The following HAND1 variants were observed in gnomAD, a reference collection of about 807,000 sequenced individuals.
HAND1 encodes heart- and neural crest derivatives-expressed protein 1.
Under a neutral mutation model 14.5 loss-of-function variants are expected in HAND1, and 10 were observed. That is an observed-to-expected ratio of 0.69 (90% CI 0.42 to 1.17). The LOEUF (loss-of-function observed/expected upper bound fraction) is 1.17. HAND1 is among the 50% of genes most tolerant of loss of function. The pLI is 0.00. For synonymous variants in HAND1, 128 were observed against 127.1 expected, an observed-to-expected ratio of 1.01 and a Z score of -0.05; for missense variants, 299 against 298.4, an observed-to-expected ratio of 1.00 and a Z score of -0.01.
chr5:154,475,867 T>C lies in HAND1; in HGVS notation c.587A>G (p.Lys196Arg), dbSNP rs878854747. The C allele has an allele frequency of 1.2e-6, 2 of 1,614,084 alleles. No individual in the cohort carries two copies. The highest frequency in any genetic ancestry group is 3.3e-5 in the Admixed American group (2 of 60,036). Reference protein sequence around the residue: ...GFPPALGPVEKRIKGRTGWPQ... With the variant: ...GFPPALGPVERRIKGRTGWPQ... Reference sequence around the variant, plus strand: ...CCAGCCGGTGCGTCCTTTAATCCTCTTCTCGACTGGGCCCAGGGCAGGAGG... The same window carrying C: ...CCAGCCGGTGCGTCCTTTAATCCTCCTCTCGACTGGGCCCAGGGCAGGAGG... Residue 196 changes from lysine (K) to arginine (R), a missense_variant, in exon 2 of 2, where the codon AAG becomes AGG. By Grantham distance (26) the Lys-to-Arg change is conservative. Coordinates refer to ENST00000231121, the MANE Select transcript of HAND1 (RefSeq NM_004821.3).
Position 154,478,113 on chromosome 5 carries a change from C to T in HAND1, c.-105G>A. On this transcript the variant is annotated 5_prime_UTR_variant, in exon 1 of 2. Transcript: ENST00000231121. The surrounding 1 kb of genome is among the most constrained non-coding windows in gnomAD (Gnocchi z 4.5). Reference sequence around the variant, plus strand: ...TGGGCTCTGGAGCCACTACTGGGCGCCGGCTTTGGGAGAGTCCGGGCAAGG... The same window carrying T: ...TGGGCTCTGGAGCCACTACTGGGCGTCGGCTTTGGGAGAGTCCGGGCAAGG... 1 of 1,349,988 alleles carries T rather than the reference C, an allele frequency of 7.4e-7. No homozygotes were observed. The highest frequency in any genetic ancestry group is 1.0e-6 in the Non-Finnish European group (1 of 964,472). The allele number at this position is 1,349,988 out of a possible 1,614,324, so 83.6% of individuals were successfully genotyped here. A position where few individuals can be genotyped will look rare whatever the true frequency, so the allele number is the denominator to read the frequency against.
intron 1 of HAND1, among the ~76,000 whole-genome samples, chr5:154,476,628 C>A (rs1045117397): frequency 6.6e-6 from 1 of 152,146 alleles, no homozygotes; most frequent in Non-Finnish European, 1.5e-5. Context: ...CACAGGCCCC[C>A]GCAGGTTGGA....
rs201748550 is a variant in HAND1, at chr5:154,478,055, C to T, written c.-47G>A. ...CGCCGCCAGCCCTATTAACGCCGCT[C>T]CATGCGCCCCAGAGACTGCCGGGGG... On this transcript the variant is annotated 5_prime_UTR_variant, in exon 1 of 2. Transcript: ENST00000231121. The surrounding 1 kb of genome is among the most constrained non-coding windows in gnomAD (Gnocchi z 4.5). 5.7e-5 allele frequency: 91 copies of T among 1,594,450 alleles called. No individual in the cohort carries two copies. The East Asian group carries it at 2.0e-3, about 34-fold the overall frequency.
intron 1 of HAND1, 100 bp from the exon 2 acceptor site, chr5:154,476,010 T>C: frequency 1.2e-6 from 1 of 854,840 alleles, no homozygotes; most frequent in East Asian, 2.6e-5. Flanking sequence ...GAGGGGAAGG[T>C]GTCGGGAGCA....
rs928995957 is a variant in HAND1 at position 154,475,558 on chromosome 5, G to C, written c.*248C>G. ...CATGTTGCCGCCAAGGGCCGCCCTC[G>C]GTTGGGCTGGGGGTGGATATATATA... On this transcript the variant is annotated 3_prime_UTR_variant, in exon 2 of 2. Transcript: ENST00000231121. 1.9e-6 allele frequency: 1 copy of C among 522,402 alleles called. No homozygotes were observed. The highest frequency in any genetic ancestry group is 3.5e-6 in the Non-Finnish European group (1 of 288,674). 32.4% of individuals were successfully genotyped at this position (522,402 alleles called of 1,614,324 possible).
chr5:154,477,639 C>A lies in HAND1; in HGVS notation c.370G>T (p.Val124Leu), dbSNP rs745686103. ...FAELRECIPN[V>L]PADTKLSKIK... Reference sequence around the variant, plus strand: ...TTGGAGAGCTTGGTGTCGGCCGGCACGTTGGGGATGCACTCGCGCAACTCC... The same window carrying A: ...TTGGAGAGCTTGGTGTCGGCCGGCAAGTTGGGGATGCACTCGCGCAACTCC... Residue 124 changes from valine to leucine, a missense_variant, in exon 1 of 2, where the codon GTG (valine) becomes TTG (leucine). Coordinates refer to ENST00000231121, the MANE Select transcript of HAND1 (RefSeq NM_004821.3). The A allele has an allele frequency of 5.6e-6, 9 of 1,614,124 alleles. No individual in the cohort carries two copies. In the African/African-American group the frequency reaches 8.0e-5, roughly 14 times the overall value.
Position 154,478,104 on chromosome 5 carries a change from T to A in HAND1, c.-96A>T. 1 of 1,410,406 alleles carries A rather than the reference T, an allele frequency of 7.1e-7. No individual in the cohort carries two copies. The highest frequency in any genetic ancestry group is 9.8e-7 in the Non-Finnish European group (1 of 1,016,428). 87.4% of individuals were successfully genotyped at this position (1,410,406 alleles called of 1,614,324 possible). On this transcript the variant is annotated 5_prime_UTR_variant, in exon 1 of 2. Coordinates refer to ENST00000231121, the MANE Select transcript of HAND1 (RefSeq NM_004821.3). The surrounding 1 kb of genome is among the most constrained non-coding windows in gnomAD (Gnocchi z 4.5). ...GGCCACCTGTGGGCTCTGGAGCCACTACTGGGCGCCGGCTTTGGGAGAGTC... is the reference window on the plus strand; with the variant it reads ...GGCCACCTGTGGGCTCTGGAGCCACAACTGGGCGCCGGCTTTGGGAGAGTC...
rs766789740 is a variant in HAND1, at chr5:154,477,768, T to A, written c.241A>T (p.Ser81Cys). ...AYGPDARPGQSPGRLEALGGR... is the reference protein window; with the variant it reads ...AYGPDARPGQCPGRLEALGGR... ...CCAAGCGCCTCCAGCCGCCCGGGGC[T>A]CTGCCCAGGCCTGGCGTCAGGACCA... The change falls in exon 1 of 2, where the codon AGC (serine) becomes TGC (cysteine). Residue 81 changes from serine (S) to cysteine (C), a missense_variant. Transcript: ENST00000231121. 1 of 1,606,902 alleles carries A rather than the reference T, an allele frequency of 6.2e-7. No homozygotes were observed. Among genetic ancestry groups the A allele is most frequent in the Non-Finnish European group, 8.5e-7 (1 of 1,178,424 alleles).
Position 154,475,495 on chromosome 5 carries a change from G to A in HAND1, c.*311C>T. ...TCGCTCCAAAAGGGTGGAAGAGTGC[G>A]TCTTTGAGCCCTTGGGTTCGACAGT... On this transcript the variant is annotated 3_prime_UTR_variant, in exon 2 of 2. Transcript: ENST00000231121. 4.7e-6 allele frequency: 2 copies of A among 424,598 alleles called. No homozygotes were observed. The highest frequency in any genetic ancestry group is 8.7e-6 in the Non-Finnish European group (2 of 228,922). The allele number at this position is 424,598 out of a possible 1,614,324, so 26.3% of individuals were successfully genotyped here.
chr5:154,475,930 A>G lies in HAND1; in HGVS notation c.544-20T>C. 1 of 1,591,848 alleles carries G rather than the reference A, an allele frequency of 6.3e-7. No homozygotes were observed. Among genetic ancestry groups the G allele is most frequent in the South Asian group, 1.1e-5 (1 of 90,602 alleles). On this transcript the variant is annotated intron_variant, in intron 1 of 1. Coordinates refer to ENST00000231121, the MANE Select transcript of HAND1 (RefSeq NM_004821.3). Reference sequence around the variant, plus strand: ...CTGCTGCTGCCAAAGGACACACAGAAGAAAAGAGGCGGGAGAGACAGGTTT... The same window carrying G: ...CTGCTGCTGCCAAAGGACACACAGAGGAAAAGAGGCGGGAGAGACAGGTTT...
chr5:154,476,384 G>A (rs1450418847), intron 1 of HAND1, among the ~76,000 whole-genome samples: 1 of 152,134 alleles, frequency 6.6e-6, no homozygotes, highest in African/African-American at 2.4e-5. Context: ...TAAAAGAGCG[G>A]GGAGTCGAGC....
rs1165033501 is a variant in HAND1, at chr5:154,477,640, G to A, written c.369C>T (p.Asn123=). The change falls in exon 1 of 2, where the codon AAC becomes AAT. Residue 123 remains asparagine (N), a synonymous_variant. Transcript: ENST00000231121. The part of the protein sequence containing the change: ...AFAELRECIP[N]VPADTKLSKI... Reference sequence around the variant, plus strand: ...TGGAGAGCTTGGTGTCGGCCGGCACGTTGGGGATGCACTCGCGCAACTCCG... The same window carrying A: ...TGGAGAGCTTGGTGTCGGCCGGCACATTGGGGATGCACTCGCGCAACTCCG... 6.2e-7 allele frequency: 1 copy of A among 1,614,236 alleles called. No homozygotes were observed. Among genetic ancestry groups the A allele is most frequent in the Non-Finnish European group, 8.5e-7 (1 of 1,180,032 alleles).
rs1297039068 is a variant in HAND1, at chr5:154,478,010, T to C, written c.-2A>G. 6.3e-7 allele frequency: 1 copy of C among 1,597,526 alleles called. No homozygotes were observed. Among genetic ancestry groups the C allele is most frequent in the East Asian group, 2.2e-5 (1 of 44,858 alleles). On this transcript the variant is annotated 5_prime_UTR_variant, in exon 1 of 2. Transcript: ENST00000231121. This position sits in a 1 kb window ranked among gnomAD's most constrained non-coding sequence, Gnocchi z 4.5. Reference sequence around the variant, plus strand: ...TGCGTAGCTGCCCACGAGGTTCATGTTGGAGCGGCTACTGGCCTGCGCCGC... The same window carrying C: ...TGCGTAGCTGCCCACGAGGTTCATGCTGGAGCGGCTACTGGCCTGCGCCGC...
intron 1 of HAND1, among the ~76,000 whole-genome samples, chr5:154,476,127 G>A (rs1351173908): frequency 6.6e-6 from 1 of 152,166 alleles, no homozygotes; most frequent in African/African-American, 2.4e-5. Context: ...GGGATGGGCT[G>A]GGCAGCTTCG....
chr5:154,477,406 G>A (rs1561711259), intron 1 of HAND1, 60 bp downstream of exon 1: 6 of 1,319,628 alleles, frequency 4.5e-6, no homozygotes, highest in Middle Eastern at 3.6e-4. Context: ...TACCTGCATG[G>A]CCTGAGGCTG....
chr5:154,476,071 A>T (rs1757536646), intron 1 of HAND1, among the ~76,000 whole-genome samples, 161 bp from the exon 2 acceptor site: 1 of 152,212 alleles, frequency 6.6e-6, no homozygotes, highest in Non-Finnish European at 1.5e-5. Context: ...CGAAATAGGC[A>T]AACAGGCTCG....
At chr5:154,477,182 T>C (rs974211429) in intron 1 of HAND1, among the ~76,000 whole-genome samples, 1 of 152,152 alleles carries the variant, frequency 6.6e-6, no homozygotes, top group African/African-American at 2.4e-5. Flanking sequence ...CTTCTCCAAA[T>C]TGGAAGCAAA....
At position 154,477,495 on chromosome 5, in the gene HAND1, C is replaced by A. The variant is rs1166385384; in HGVS notation, c.514G>T (p.Gly172Cys). ...FKAELKKADGGRESKRKRELQ... is the reference protein window; with the variant it reads ...FKAELKKADGCRESKRKRELQ... ...TCCCTTTTCCGCTTGCTCTCACGGC[C>A]GCCATCCGCCTTCTTGAGTTCAGCC... is the stretch of plus-strand genomic sequence containing the variant. The change falls in exon 1 of 2, where the codon GGC becomes TGC. Residue 172 changes from glycine (G) to cysteine (C), a missense_variant. Gly to Cys is a radical substitution (Grantham distance 159, BLOSUM62 -3). Transcript: ENST00000231121. 3 of 1,614,026 alleles carry A rather than the reference C, an allele frequency of 1.9e-6. No homozygotes were observed. Among genetic ancestry groups the A allele is most frequent in the Non-Finnish European group, 2.5e-6 (3 of 1,179,998 alleles).
At chr5:154,476,070 C>A (rs1478787188) in intron 1 of HAND1, among the ~76,000 whole-genome samples, 160 bp from the exon 2 acceptor site, 3 of 151,994 alleles carry the variant, frequency 2.0e-5, no homozygotes, top group Non-Finnish European at 4.4e-5. Context: ...GCGAAATAGG[C>A]AAACAGGCTC....
Sources: allele counts gnomAD v4.1 joint callset (sites outside exome capture counted in the v4.1 genomes callset), GRCh38; gene constraint gnomAD v4.1.1; non-coding constraint Gnocchi (gnomAD v3.1); transcripts MANE v1.5; gene names NCBI Gene and HGNC (gene_info 2026-07-23, HGNC 2026-07-21).